CFDP1: variants seen among roughly 807,000 people sequenced by gnomAD.
CFDP1 encodes the protein heterochromatin-stabilizing protein CFDP1.
Under a neutral mutation model 40.1 loss-of-function variants are expected in CFDP1, and 31 were observed. The observed-to-expected ratio is 0.77, with a 90% CI of 0.58 to 1.04. The LOEUF (loss-of-function observed/expected upper bound fraction) is 1.04. Among genes scored for constraint, CFDP1 ranks in the 50% least tolerant of loss-of-function variants. The probability of loss-of-function intolerance (pLI) is 0.00; values close to 1 mark genes in which losing one functional copy is unlikely to be tolerated. For synonymous variants in CFDP1, 167 were observed against 120.0 expected, an observed-to-expected ratio of 1.39 and a Z score of -2.56; for missense variants, 423 against 343.4, an observed-to-expected ratio of 1.23 and a Z score of -1.83.
chr16:75,353,554 G>A (rs1163441437), intron 5 of CFDP1, among the ~76,000 whole-genome samples: 1 of 151,964 alleles, frequency 6.6e-6, no homozygotes, highest in African/African-American at 2.4e-5. Context: ...AAGGTCAGGA[G>A]ATCGAGACCA....
chr16:75,417,514 AAAGG>A (rs1472696906), intron 1 of CFDP1, among the ~76,000 whole-genome samples: 2 of 152,200 alleles, frequency 1.3e-5, no homozygotes, highest in African/African-American at 4.8e-5. Context: ...GGATGAGGAA[AAAGG>A]AAGAATTAAG....
At chr16:75,422,686 C>A (rs183189100) in intron 1 of CFDP1, among the ~76,000 whole-genome samples, 6 of 151,896 alleles carry the variant, frequency 4.0e-5, no homozygotes, top group Admixed American at 2.6e-4. Context: ...AGAGCCACCA[C>A]ATCCAGCCTC....
chr16:75,413,552 C>CA lies in CFDP1; in HGVS notation c.183-799dup, dbSNP rs9331624. On this transcript the variant is annotated intron_variant, in intron 2 of 6. Transcript: ENST00000283882. ...TAGGCAACAGGGCGAGACTCTGTCT[C>CA]AAAAAAAAAAAAAAAAAAAAAAAAT... is the stretch of plus-strand genomic sequence containing the variant. Among the ~76,000 whole-genome samples, 566 of 90,336 alleles carry CA rather than the reference C, an allele frequency of 6.3e-3. 2 individuals are homozygous for CA. Among genetic ancestry groups the CA allele is most frequent in the African/African-American group, 0.017 (384 of 23,202 alleles). The allele number at this position is 90,336 out of a possible 152,430, so 59.3% of individuals were successfully genotyped here. A position where few individuals can be genotyped will look rare whatever the true frequency, so the allele number is the denominator to read the frequency against.
At chr16:75,346,465 C>G (rs193103395) in intron 5 of CFDP1, among the ~76,000 whole-genome samples, 1 of 151,398 alleles carries the variant, frequency 6.6e-6, no homozygotes, top group African/African-American at 2.4e-5. Flanking sequence ...TGCTTGTAGT[C>G]CCAGCTACTC....
intron 5 of CFDP1, among the ~76,000 whole-genome samples, chr16:75,332,525 G>C (rs888409499): frequency 6.6e-6 from 1 of 151,502 alleles, no homozygotes; most frequent in Non-Finnish European, 1.5e-5. Flanking sequence ...ACAGTAGCTC[G>C]ATGTGGTGGT....
chr16:75,299,045 T>C (rs1471096702), intron 6 of CFDP1, among the ~76,000 whole-genome samples: 1 of 152,146 alleles, frequency 6.6e-6, no homozygotes, highest in Non-Finnish European at 1.5e-5. Flanking sequence ...TTAGCACTGC[T>C]AGATGCCAAG....
chr16:75,429,842 T>G (rs1234386459), intron 1 of CFDP1, among the ~76,000 whole-genome samples: 3 of 152,206 alleles, frequency 2.0e-5, no homozygotes, highest in Admixed American at 6.5e-5. Context: ...AGTCAAACTC[T>G]TGTCAAGTAT....
At chr16:75,324,466 G>T (rs914603433) in intron 5 of CFDP1, among the ~76,000 whole-genome samples, 5 of 152,142 alleles carry the variant, frequency 3.3e-5, no homozygotes, top group Non-Finnish European at 7.3e-5. Context: ...TGCTGGCTGG[G>T]CGCGGTGGCT....
intron 5 of CFDP1, among the ~76,000 whole-genome samples, chr16:75,328,441 G>T (rs2078419787): frequency 7.1e-6 from 1 of 141,454 alleles, no homozygotes; most frequent in African/African-American, 2.6e-5. Context: ...AAAAAAAAAA[G>T]AAAAAAAATA....
chr16:75,399,605 C>T (rs2079030473), intron 4 of CFDP1, among the ~76,000 whole-genome samples: 1 of 152,260 alleles, frequency 6.6e-6, no homozygotes, highest in African/African-American at 2.4e-5. Context: ...ATTCAAACTC[C>T]TGGGCTCAAG....
At chr16:75,379,616 G>A (rs1479201580) in intron 5 of CFDP1, among the ~76,000 whole-genome samples, 1 of 152,146 alleles carries the variant, frequency 6.6e-6, no homozygotes, top group Non-Finnish European at 1.5e-5. Flanking sequence ...GTGAGGGCAG[G>A]AGGAAAGTGT....
intron 1 of CFDP1, among the ~76,000 whole-genome samples, chr16:75,431,415 C>G (rs942850340): frequency 1.6e-5 from 2 of 126,144 alleles, no homozygotes; most frequent in Admixed American, 9.7e-5. Flanking sequence ...GATCCCGCTA[C>G]TGCACTCCAG....
chr16:75,387,233 C>T (rs766283328), intron 5 of CFDP1, among the ~76,000 whole-genome samples: 1 of 151,724 alleles, frequency 6.6e-6, no homozygotes, highest in Non-Finnish European at 1.5e-5. Context: ...CTCCGCCTCC[C>T]GGGCTCACGC....
chr16:75,377,204 C>T (rs1293104539), intron 5 of CFDP1, among the ~76,000 whole-genome samples: 1 of 152,182 alleles, frequency 6.6e-6, no homozygotes, highest in African/African-American at 2.4e-5. Flanking sequence ...CTTAAGGCCC[C>T]TGTGATAATG....
At chr16:75,367,826 C>G (rs1048156329) in intron 5 of CFDP1, among the ~76,000 whole-genome samples, 1 of 151,016 alleles carries the variant, frequency 6.6e-6, no homozygotes, top group East Asian at 1.9e-4. Context: ...ACAGCCAGAC[C>G]GGATATGGTG....
At chr16:75,343,472 G>T (rs2078540609) in intron 5 of CFDP1, among the ~76,000 whole-genome samples, 1 of 152,124 alleles carries the variant, frequency 6.6e-6, no homozygotes, top group Non-Finnish European at 1.5e-5. Context: ...TCATGTAGAT[G>T]AGAAACAAAC....
intron 5 of CFDP1, among the ~76,000 whole-genome samples, chr16:75,375,041 T>C (rs1160697512): frequency 7.4e-6 from 1 of 135,162 alleles, no homozygotes; most frequent in African/African-American, 2.6e-5. Flanking sequence ...CACGCATATA[T>C]TGCTTCTATG....
At chr16:75,347,359 A>AAGAAAAAAAAAG (rs2078575888) in intron 5 of CFDP1, among the ~76,000 whole-genome samples, 2 of 53,668 alleles carry the variant, frequency 3.7e-5, no homozygotes, top group Non-Finnish European at 3.3e-5. Context: ...AAAAAAAAAA[A>AAGAAAAAAAAAG]AAAAAGAAAA....
chr16:75,408,308 T>C (rs1010416423), intron 4 of CFDP1, among the ~76,000 whole-genome samples: 4 of 151,542 alleles, frequency 2.6e-5, no homozygotes, highest in African/African-American at 4.9e-5. Context: ...GCAGATCCCA[T>C]GTTAAAAAAA....
Sources: gnomAD v4.1 joint callset for allele counts (sites outside exome capture counted in the v4.1 genomes callset) on GRCh38, gnomAD v4.1.1 for gene constraint, MANE v1.5 for transcripts, NCBI Gene and HGNC (gene_info 2026-07-23, HGNC 2026-07-21) for gene names.